MYL4: variants seen among roughly 807,000 people sequenced by gnomAD.
MYL4 encodes myosin light chain 4.
MYL4 carries 16 observed loss-of-function variants against 21.6 expected under a neutral mutation model. The ratio of observed to expected loss-of-function variants is 0.74; its 90% confidence interval spans 0.50 to 1.12. The LOEUF is 1.12. Among genes scored for constraint, MYL4 ranks in the 50% most tolerant of loss-of-function variants. MYL4 has a pLI of 0.00. For synonymous variants in MYL4, 82 were observed against 95.7 expected, an observed-to-expected ratio of 0.86 and a Z score of 0.83; for missense variants, 249 against 252.9, an observed-to-expected ratio of 0.98 and a Z score of 0.11.
upstream of MYL4, among the ~76,000 whole-genome samples, chr17:47,197,092 G>GTT (rs71365051): frequency 0.014 from 1,597 of 113,080 alleles, 11 homozygotes; most frequent in East Asian, 0.024. Flanking sequence ...TCCTTAAAGG[G>GTT]TTTTTTTTTT....
chr17:47,209,685 G>C (rs777626883), intron 1 of MYL4, 128 bp downstream of exon 1: 5 of 1,400,868 alleles, frequency 3.6e-6, no homozygotes, highest in South Asian at 1.2e-5. Flanking sequence ...GCCCCAGATC[G>C]CAGTCCCATG....
At chr17:47,194,648 C>G in the MYL4 span, among the ~76,000 whole-genome samples, 1 of 152,134 alleles carries the variant, frequency 6.6e-6, no homozygotes, top group African/African-American at 2.4e-5. Flanking sequence ...GGACTCCTCT[C>G]CCTGTCTTCC....
upstream of MYL4, among the ~76,000 whole-genome samples, chr17:47,206,186 T>A (rs112678774): frequency 6.6e-6 from 1 of 152,318 alleles, no homozygotes; most frequent in African/African-American, 2.4e-5. Flanking sequence ...CCCATCACTG[T>A]CTACCTCCAG....
chr17:47,211,013 G>C (rs577910502), intron 1 of MYL4, among the ~76,000 whole-genome samples: 17 of 152,068 alleles, frequency 1.1e-4, no homozygotes, highest in African/African-American at 4.1e-4. Flanking sequence ...CTGCCTAGTG[G>C]CATCAAACTG....
chr17:47,200,753 C>T (rs1278314996), intron 1 of MYL4, among the ~76,000 whole-genome samples: 4 of 152,212 alleles, frequency 2.6e-5, no homozygotes, highest in African/African-American at 7.2e-5. Flanking sequence ...TGTCACTAGA[C>T]AGCACTGCCT....
chr17:47,217,495 T>A (rs1305542107), intron 2 of MYL4, among the ~76,000 whole-genome samples: 1 of 151,828 alleles, frequency 6.6e-6, no homozygotes, highest in Non-Finnish European at 1.5e-5. Context: ...AACAAGGCTA[T>A]GAGGTAGGTG....
upstream of MYL4, among the ~76,000 whole-genome samples, chr17:47,204,322 C>A (rs967048926): frequency 1.2e-4 from 19 of 152,204 alleles, no homozygotes; most frequent in African/African-American, 4.3e-4. Context: ...CTCTCCTTCA[C>A]CCAAGGGGTT....
intron 2 of MYL4, 45 bp downstream of exon 2, chr17:47,213,871 TGGAGGA>T (rs138017390): frequency 1.4e-4 from 231 of 1,597,304 alleles, no homozygotes; most frequent in Non-Finnish European, 1.7e-4. Flanking sequence ...TGCACTTTCC[TGGAGGA>T]GGAGGAGGAG....
chr17:47,195,734 C>G (rs2064687193), upstream of MYL4, among the ~76,000 whole-genome samples: 1 of 152,204 alleles, frequency 6.6e-6, no homozygotes, highest in African/African-American at 2.4e-5. Flanking sequence ...TCTGCTTATC[C>G]TCCAAATATA....
At chr17:47,214,773 C>T (rs1168430608) in intron 2 of MYL4, among the ~76,000 whole-genome samples, 1 of 152,054 alleles carries the variant, frequency 6.6e-6, no homozygotes, top group Admixed American at 6.5e-5. Context: ...TGAGTGTATA[C>T]AGTTTATACA....
At chr17:47,218,950 C>T (rs114715456) in intron 2 of MYL4, among the ~76,000 whole-genome samples, 2,368 of 152,316 alleles carry the variant, frequency 0.016, 54 homozygotes, top group African/African-American at 0.054. Context: ...GGAAAGAGAA[C>T]TAGGAAACAG....
In MYL4 at chr17:47,220,061, C is replaced by T. The variant is rs372826462; in HGVS notation, c.313+8C>T. 44 of 1,606,422 alleles carry T rather than the reference C, an allele frequency of 2.7e-5. No individual in the cohort carries two copies. Among genetic ancestry groups the T allele is most frequent in the East Asian group, 1.1e-4 (5 of 44,782 alleles). On this transcript the variant is annotated splice_region_variant and intron_variant, in intron 3 of 6. Transcript: ENST00000393450. ...GCAAGCCCAAGCCTGAAGGTCAGTG[C>T]GGCTGCATGGCAGACCTCTCCCAGG...
the MYL4 span, among the ~76,000 whole-genome samples, chr17:47,189,657 G>T: frequency 1.3e-5 from 2 of 152,266 alleles, no homozygotes; most frequent in Non-Finnish European, 2.9e-5. Flanking sequence ...TAATTGGTGT[G>T]CTGTAGATTA....
chr17:47,192,649 CA>C, the MYL4 span, among the ~76,000 whole-genome samples: 579 of 137,160 alleles, frequency 4.2e-3, 5 homozygotes, highest in African/African-American at 0.011. Flanking sequence ...GACTGTGTCT[CA>C]AAAAAAAAAA....
the MYL4 span, among the ~76,000 whole-genome samples, chr17:47,193,712 T>TTTCC: frequency 1.5e-3 from 222 of 151,892 alleles, 2 homozygotes; most frequent in South Asian, 2.1e-3. Context: ...TCTTTCTTTC[T>TTTCC]TTCCTTCCTT....
At chr17:47,199,017 G>A (rs1388231826), upstream of MYL4, among the ~76,000 whole-genome samples, 2 of 149,956 alleles carry the variant, frequency 1.3e-5, no homozygotes, top group African/African-American at 2.5e-5. Context: ...GGCGGATCAC[G>A]AGGTTGGGAG....
At chr17:47,206,388 T>C (rs375423784), upstream of MYL4, among the ~76,000 whole-genome samples, 2 of 152,302 alleles carry the variant, frequency 1.3e-5, no homozygotes, top group South Asian at 4.1e-4. Context: ...CTTTTTCTTC[T>C]GAGGATCATA....
At chr17:47,191,669 C>T in the MYL4 span, among the ~76,000 whole-genome samples, 1 of 152,172 alleles carries the variant, frequency 6.6e-6, no homozygotes, top group Non-Finnish European at 1.5e-5. Flanking sequence ...CGGGGTTTCA[C>T]CATGTTGGCC....
chr17:47,195,306 C>G, the MYL4 span, among the ~76,000 whole-genome samples: 1 of 150,406 alleles, frequency 6.6e-6, no homozygotes, highest in African/African-American at 2.5e-5. Flanking sequence ...CTTGGCTCAC[C>G]GCAACCTCTG....
Sources: gnomAD v4.1 joint callset for allele counts (sites outside exome capture counted in the v4.1 genomes callset) on GRCh38, gnomAD v4.1.1 for gene constraint, MANE v1.5 for transcripts, NCBI Gene and HGNC (gene_info 2026-07-23, HGNC 2026-07-21) for gene names.